ADGRE1: variants seen among roughly 807,000 people sequenced by gnomAD.
The protein encoded by ADGRE1 is adhesion G protein-coupled receptor E1.
In ADGRE1, 82 loss-of-function variants were observed where a neutral mutation model predicts 102.7. That is an observed-to-expected ratio of 0.80 (90% CI 0.67 to 0.96). The LOEUF is 0.96. Among genes scored for constraint, ADGRE1 ranks in the 40% least tolerant of loss-of-function variants. The probability of loss-of-function intolerance (pLI) is 0.00; values close to 1 mark genes in which losing one functional copy is unlikely to be tolerated. For synonymous variants in ADGRE1, 398 were observed against 399.6 expected, an observed-to-expected ratio of 1.00 and a Z score of 0.05; for missense variants, 1,032 against 1,085.3, an observed-to-expected ratio of 0.95 and a Z score of 0.69.
In ADGRE1 at chr19:6,908,685, G is replaced by A. The variant is rs148895533; in HGVS notation, c.1039-4G>A. The A allele has an allele frequency of 9.9e-5, 154 of 1,563,010 alleles. No homozygotes were observed. In the African/African-American group the frequency reaches 1.6e-3, roughly 16 times the overall value. Reference sequence around the variant, plus strand: ...TGCTCTTTTTTTTTTTTTCTGGGACGCAGGTCTCCTTTTGTGCACAAATAA... The same window carrying A: ...TGCTCTTTTTTTTTTTTTCTGGGACACAGGTCTCCTTTTGTGCACAAATAA... On this transcript the variant is annotated splice_polypyrimidine_tract_variant and splice_region_variant and intron_variant, in intron 9 of 20. Transcript: ENST00000312053.
intron 16 of ADGRE1, 98 bp from the exon 17 acceptor site, chr19:6,928,047 C>G (rs1014372501): frequency 7.0e-6 from 10 of 1,434,446 alleles, no homozygotes; most frequent in Non-Finnish European, 8.5e-6. Context: ...AGTCTCACCT[C>G]CCAGTGTTCT....
At chr19:6,896,372 T>C (rs531746949) in intron 2 of ADGRE1, 26 bp from the exon 3 acceptor site, 2 of 1,611,070 alleles carry the variant, frequency 1.2e-6, no homozygotes, top group African/African-American at 2.7e-5. Flanking sequence ...TAATCTTGTC[T>C]AAACTTTTCT....
At chr19:6,922,520 C>T (rs1974710654) in intron 14 of ADGRE1, among the ~76,000 whole-genome samples, 1 of 151,498 alleles carries the variant, frequency 6.6e-6, no homozygotes, top group African/African-American at 2.4e-5. Flanking sequence ...GAGGCTGAGG[C>T]AGGAGAATCG....
At chr19:6,892,833 A>G (rs1176980537) in intron 2 of ADGRE1, among the ~76,000 whole-genome samples, 1 of 152,246 alleles carries the variant, frequency 6.6e-6, no homozygotes, top group Non-Finnish European at 1.5e-5. Flanking sequence ...ACTGGAGGTC[A>G]TTAAGTGAAA....
intron 11 of ADGRE1, among the ~76,000 whole-genome samples, chr19:6,914,508 A>G (rs922273989): frequency 1.3e-5 from 2 of 152,192 alleles, no homozygotes; most frequent in African/African-American, 4.8e-5. Context: ...GTTGCTGTAG[A>G]TCTTTTACAT....
chr19:6,890,487 G>C lies in ADGRE1; in HGVS notation c.38G>C (p.Cys13Ser), dbSNP rs1473642976. Residue 13 changes from cysteine to serine, a missense_variant, in exon 2 of 21, where the codon TGT becomes TCT. Physicochemically the swap from Cys to Ser is moderately radical, Grantham distance 112. Coordinates refer to ENST00000312053, the MANE Select transcript of ADGRE1 (RefSeq NM_001974.5). ...GFNLLLFWGCCVMHSWEGHIR... is the reference protein window; with the variant it reads ...GFNLLLFWGCSVMHSWEGHIR... Reference sequence around the variant, plus strand: ...TTCTTTTCTTTCTTCACAGGATGTTGTGTTATGCACAGCTGGGAAGGGCAC... The same window carrying C: ...TTCTTTTCTTTCTTCACAGGATGTTCTGTTATGCACAGCTGGGAAGGGCAC... 1.1e-5 allele frequency: 14 copies of C among 1,255,794 alleles called. No homozygotes were observed. The highest frequency in any genetic ancestry group is 1.5e-5 in the Non-Finnish European group (14 of 934,656). The allele number at this position is 1,255,794 out of a possible 1,614,324, so 77.8% of individuals were successfully genotyped here. A position where few individuals can be genotyped will look rare whatever the true frequency, so the allele number is the denominator to read the frequency against.
rs771178466 is a variant in ADGRE1 at position 6,924,882 on chromosome 19, G to C, written c.1986+10G>C. On this transcript the variant is annotated intron_variant, in intron 15 of 20. Coordinates refer to ENST00000312053, the MANE Select transcript of ADGRE1 (RefSeq NM_001974.5). ...CAAGACTGACAACAAGGTCTACATC[G>C]CTCGGGCTGTGTCCCCACCAAGCCC... The C allele has an allele frequency of 6.2e-7, 1 of 1,612,870 alleles. No individual in the cohort carries two copies. Among genetic ancestry groups the C allele is most frequent in the Non-Finnish European group, 8.5e-7 (1 of 1,179,524 alleles).
intron 10 of ADGRE1, among the ~76,000 whole-genome samples, chr19:6,909,325 G>C (rs1974086118): frequency 6.6e-6 from 1 of 152,152 alleles, no homozygotes; most frequent in Non-Finnish European, 1.5e-5. Flanking sequence ...ATGCAGAACA[G>C]TTTAATTATC....
Position 6,909,144 on chromosome 19 carries a change from A to G in ADGRE1, c.1122+372A>G, listed in dbSNP as rs945375905. Among the ~76,000 whole-genome samples the G allele has an allele frequency of 2.9e-4, 44 of 152,106 alleles. 1 individual carries two copies. Among genetic ancestry groups the G allele is most frequent in the Admixed American group, 2.4e-3 (37 of 15,260 alleles). ...CTGAGACTCCATCTCAAAAAAAAAA[A>G]AAAGAAAGAAAGAAATATCTCTTTA... On this transcript the variant is annotated intron_variant, in intron 10 of 20. Transcript: ENST00000312053.
At chr19:6,921,084 G>C (rs995237962) in intron 13 of ADGRE1, among the ~76,000 whole-genome samples, 1 of 152,064 alleles carries the variant, frequency 6.6e-6, no homozygotes, top group Non-Finnish European at 1.5e-5. Flanking sequence ...TCAGGAGTTC[G>C]AGACCAGCCT....
chr19:6,910,284 T>TA (rs1974122039), intron 10 of ADGRE1, among the ~76,000 whole-genome samples: 1 of 152,116 alleles, frequency 6.6e-6, no homozygotes, highest in African/African-American at 2.4e-5. Context: ...ACTATGTTTA[T>TA]AAATATTCCA....
chr19:6,913,811 T>C lies in ADGRE1; in HGVS notation c.1281T>C (p.Ala427=), dbSNP rs751686252. The stretch of plus-strand genomic sequence containing the variant: ...AACCCTCAGCAAATATCACTCCGGC[T>C]GTTCGGACGGAATACTTAGGTAGGA... ...FWKPSANITP[A]VRTEYLDIES... is the part of the protein sequence containing the mutation. Residue 427 remains alanine, a synonymous_variant, in exon 11 of 21, where the codon GCT becomes GCC. Transcript: ENST00000312053. The C allele has an allele frequency of 7.5e-6, 12 of 1,601,332 alleles. No individual in the cohort carries two copies. The East Asian group carries it at 2.7e-4, about 36-fold the overall frequency.
At chr19:6,928,397 G>T in intron 17 of ADGRE1, 186 bp downstream of exon 17, 1 of 1,399,064 alleles carries the variant, frequency 7.1e-7, no homozygotes, top group Non-Finnish European at 9.4e-7. Context: ...AGGCTGAGGC[G>T]GGTGGATCAC....
At chr19:6,919,527 T>A (rs1974547460) in intron 12 of ADGRE1, 21 bp from the exon 13 acceptor site, 4 of 1,599,254 alleles carry the variant, frequency 2.5e-6, no homozygotes, top group Non-Finnish European at 3.4e-6. Context: ...CTTCCTTTTT[T>A]TCATTTGGGG....
chr19:6,911,895 C>A (rs1974207299), intron 10 of ADGRE1, among the ~76,000 whole-genome samples: 1 of 151,450 alleles, frequency 6.6e-6, no homozygotes, highest in South Asian at 2.1e-4. Context: ...CACACATACA[C>A]CCCACACACA....
In ADGRE1 at chr19:6,930,874, G is replaced by T. The variant is rs1401150775; in HGVS notation, c.2289+2663G>T. Among the ~76,000 whole-genome samples, 6 of 151,982 alleles carry T rather than the reference G, an allele frequency of 3.9e-5. No homozygotes were observed. The East Asian group carries it at 9.6e-4, about 24-fold the overall frequency. On this transcript the variant is annotated intron_variant, in intron 17 of 20. Transcript: ENST00000312053. ...GGCTGGTCTCGAATTCATGACCTCA[G>T]GTGACCCACCCGCCTCGACCTCCCA...
intron 14 of ADGRE1, among the ~76,000 whole-genome samples, chr19:6,924,464 G>T (rs1373283171): frequency 6.6e-6 from 1 of 152,174 alleles, no homozygotes; most frequent in Non-Finnish European, 1.5e-5. Context: ...AATACATGGA[G>T]TAACGCATAG....
At chr19:6,921,607 C>A in intron 13 of ADGRE1, 106 bp from the exon 14 acceptor site, 7 of 1,291,834 alleles carry the variant, frequency 5.4e-6, no homozygotes, top group East Asian at 2.5e-5. Context: ...TCAGAACATA[C>A]CCTGTGTATT....
chr19:6,915,655 C>T (rs2144958597), intron 11 of ADGRE1, among the ~76,000 whole-genome samples: 2 of 152,148 alleles, frequency 1.3e-5, no homozygotes, highest in Admixed American at 1.3e-4. Flanking sequence ...GGGGCAGTGG[C>T]TCACACCTGT....
Sources: gnomAD v4.1 joint callset for allele counts (sites outside exome capture counted in the v4.1 genomes callset) on GRCh38, gnomAD v4.1.1 for gene constraint, MANE v1.5 for transcripts, NCBI Gene and HGNC (gene_info 2026-07-23, HGNC 2026-07-21) for gene names.